Variants in AGBL4 observed in about 807,000 individuals in gnomAD.
AGBL4 encodes the protein AGBL carboxypeptidase 4.
Under a neutral mutation model 66.4 loss-of-function variants are expected in AGBL4, and 58 were observed. That is an observed-to-expected ratio of 0.87 (90% CI 0.71 to 1.09). AGBL4 has a LOEUF of 1.09. Ranked by LOEUF, AGBL4 falls within the 50% of genes least tolerant of loss-of-function variation. The pLI is 0.00. For missense variants in AGBL4, 579 were observed against 631.0 expected, an observed-to-expected ratio of 0.92 and a Z score of 0.88; for synonymous variants, 234 against 222.9, an observed-to-expected ratio of 1.05 and a Z score of -0.44.
chr1:49,948,003 TATATAAATATATAAATATATATAA>T (rs1655458941), intron 1 of AGBL4, among the ~76,000 whole-genome samples: 1 of 90,096 alleles, frequency 1.1e-5, no homozygotes, highest in Non-Finnish European at 1.9e-5. Context: ...TATATAAATA[TATATAAATATATAAATATATATAA>T]ATATATATAC....
intron 3 of AGBL4, among the ~76,000 whole-genome samples, chr1:49,456,003 C>T (rs1206362158): frequency 6.6e-6 from 1 of 151,700 alleles, no homozygotes; most frequent in Admixed American, 6.6e-5. Context: ...TTGATTTATT[C>T]ACTACTACAT....
chr1:48,663,302 G>A (rs1646136770), intron 6 of AGBL4, 61 bp from the exon 7 acceptor site: 1 of 1,547,640 alleles, frequency 6.5e-7, no homozygotes, highest in African/African-American at 1.4e-5. Flanking sequence ...TCTAGTGGTT[G>A]GTGTGTGGCA....
intron 11 of AGBL4, among the ~76,000 whole-genome samples, chr1:48,542,185 G>T (rs532029034): frequency 1.3e-5 from 2 of 152,216 alleles, no homozygotes; most frequent in African/African-American, 4.8e-5. Context: ...TCTTTTTTAT[G>T]GCTGCATAAT....
intron 1 of AGBL4, among the ~76,000 whole-genome samples, chr1:49,902,459 G>A (rs11810434): frequency 0.065 from 9,882 of 152,210 alleles, 1,009 homozygotes; most frequent in African/African-American, 0.21. Context: ...TTAGAGAAAT[G>A]CAAATCAGGC....
At chr1:48,740,854 C>T (rs1048241511) in intron 6 of AGBL4, among the ~76,000 whole-genome samples, 2 of 152,138 alleles carry the variant, frequency 1.3e-5, no homozygotes, top group African/African-American at 4.8e-5. Flanking sequence ...CCAGTGCGTC[C>T]ACTTCCTTTC....
chr1:48,543,549 T>A (rs1644111140), intron 11 of AGBL4, among the ~76,000 whole-genome samples: 1 of 151,560 alleles, frequency 6.6e-6, no homozygotes. Flanking sequence ...CAAAGTGGAG[T>A]GGGAAGAAAA....
At chr1:49,448,792 T>C (rs1484851299) in intron 3 of AGBL4, among the ~76,000 whole-genome samples, 3 of 152,096 alleles carry the variant, frequency 2.0e-5, no homozygotes, top group African/African-American at 7.2e-5. Flanking sequence ...AAGACTGAGG[T>C]AGAACAATTA....
intron 2 of AGBL4, among the ~76,000 whole-genome samples, chr1:49,745,245 T>G (rs1191495900): frequency 2.6e-5 from 4 of 152,112 alleles, no homozygotes; most frequent in African/African-American, 9.6e-5. Flanking sequence ...ACAGTAGTTC[T>G]CCTTTATCTG....
intron 3 of AGBL4, among the ~76,000 whole-genome samples, chr1:49,378,023 T>C (rs1644507937): frequency 6.9e-6 from 1 of 145,634 alleles, no homozygotes; most frequent in Admixed American, 6.7e-5. Context: ...CTTCATGCCT[T>C]GTCTCCCAAC....
intron 3 of AGBL4, among the ~76,000 whole-genome samples, chr1:49,465,258 C>T (rs1023073714): frequency 2.7e-5 from 4 of 149,472 alleles, no homozygotes; most frequent in South Asian, 2.1e-4. Flanking sequence ...CACACACACA[C>T]ACACGCAGAC....
chr1:49,343,843 G>C (rs760469182), intron 3 of AGBL4, among the ~76,000 whole-genome samples: 1 of 152,066 alleles, frequency 6.6e-6, no homozygotes, highest in Non-Finnish European at 1.5e-5. Context: ...CTATTTTGTG[G>C]GAAAAATATA....
intron 5 of AGBL4, among the ~76,000 whole-genome samples, chr1:48,893,762 G>A (rs1004931568): frequency 6.6e-6 from 1 of 152,036 alleles, no homozygotes; most frequent in Admixed American, 6.6e-5. Context: ...TTTCTACCAT[G>A]CGAGGCTACA....
At chr1:49,245,074 A>G (rs1405957258) in intron 4 of AGBL4, among the ~76,000 whole-genome samples, 1 of 151,772 alleles carries the variant, frequency 6.6e-6, no homozygotes, top group East Asian at 1.9e-4. Flanking sequence ...TTCCTTTGCA[A>G]AAATGTGGAA....
chr1:48,914,066 G>C (rs920146677), intron 5 of AGBL4, among the ~76,000 whole-genome samples: 1 of 152,256 alleles, frequency 6.6e-6, no homozygotes, highest in Non-Finnish European at 1.5e-5. Flanking sequence ...ACAGATTTGA[G>C]TGTCTGCTGC....
intron 2 of AGBL4, among the ~76,000 whole-genome samples, chr1:49,799,659 AG>A (rs538074176): frequency 1.2e-3 from 182 of 152,256 alleles, no homozygotes; most frequent in Non-Finnish European, 2.0e-3. Context: ...AGGAAGTGAA[AG>A]GGCATCTTGA....
At chr1:49,466,513 C>G (rs967968845) in intron 3 of AGBL4, among the ~76,000 whole-genome samples, 1 of 151,806 alleles carries the variant, frequency 6.6e-6, no homozygotes, top group African/African-American at 2.4e-5. Flanking sequence ...GGTGCAGTGC[C>G]GAAACCATCA....
intron 3 of AGBL4, 136 bp downstream of exon 3, chr1:49,697,177 A>T: frequency 1.9e-6 from 2 of 1,047,702 alleles, no homozygotes; most frequent in Non-Finnish European, 1.3e-6. Flanking sequence ...GCATCTCTTG[A>T]ACCAAAACTG....
intron 5 of AGBL4, among the ~76,000 whole-genome samples, chr1:49,008,057 G>C (rs926677527): frequency 2.6e-5 from 4 of 152,098 alleles, no homozygotes; most frequent in African/African-American, 9.7e-5. Context: ...TGGACTAAAT[G>C]CTCCAATAAA....
chr1:49,562,733 C>A (rs1396793661), intron 3 of AGBL4, among the ~76,000 whole-genome samples: 1 of 152,078 alleles, frequency 6.6e-6, no homozygotes, highest in Non-Finnish European at 1.5e-5. Flanking sequence ...AGTTTGAAGT[C>A]AGGTAGCGTG....
Sources: gnomAD v4.1 joint callset for allele counts (sites outside exome capture counted in the v4.1 genomes callset) on GRCh38, gnomAD v4.1.1 for gene constraint, MANE v1.5 for transcripts, NCBI Gene and HGNC (gene_info 2026-07-23, HGNC 2026-07-21) for gene names.